PTPRK: variants seen among roughly 807,000 people sequenced by gnomAD.
PTPRK encodes the protein protein tyrosine phosphatase receptor type K.
PTPRK carries 75 observed loss-of-function variants against 178.0 expected under a neutral mutation model. The ratio of observed to expected loss-of-function variants is 0.42; its 90% CI spans 0.35 to 0.51. The LOEUF is 0.51. Ranked by LOEUF, PTPRK falls within the 20% of genes least tolerant of loss-of-function variation. PTPRK has a pLI of 0.02. For missense variants in PTPRK, 1,441 were observed against 1,797.8 expected (o/e 0.80, Z 3.59); for synonymous variants, 637 against 620.6 (o/e 1.03, Z -0.39).
intron 3 of PTPRK, among the ~76,000 whole-genome samples, chr6:128,287,872 T>C (rs910254278): frequency 1.3e-5 from 2 of 152,228 alleles, no homozygotes; most frequent in Non-Finnish European, 2.9e-5. Context: ...TTTATAAATA[T>C]GCTCAAGTAG....
At chr6:128,008,159 G>A in intron 14 of PTPRK, 1 of 858,602 alleles carries the variant, frequency 1.2e-6, no homozygotes, top group Non-Finnish European at 1.7e-6. Flanking sequence ...CATGTAGTAT[G>A]AGTCTTATCT....
At chr6:128,221,129 G>A (rs747405729) in intron 5 of PTPRK, among the ~76,000 whole-genome samples, 1 of 152,004 alleles carries the variant, frequency 6.6e-6, no homozygotes, top group Admixed American at 6.6e-5. Context: ...TTAGGGTGGT[G>A]GTACATTAAT....
chr6:128,138,973 G>T lies in PTPRK; in HGVS notation c.1162+45459C>A, dbSNP rs188157070. ...AGAGGGGTGAATAAAATGAAGTATG[G>T]TGTATAGGCAATTAAGGAATACACA... is the stretch of plus-strand genomic sequence containing the variant. On this transcript the variant is annotated intron_variant, in intron 7 of 29. Coordinates refer to ENST00000368226, the MANE Select transcript of PTPRK (RefSeq NM_002844.4). Among the ~76,000 whole-genome samples, 261 of 152,184 alleles carry T rather than the reference G, an allele frequency of 1.7e-3. 1 individual carries two copies. Among genetic ancestry groups the T allele is most frequent in the African/African-American group, 6.0e-3 (248 of 41,548 alleles).
At chr6:128,160,737 AAT>A (rs1277732796) in intron 7 of PTPRK, among the ~76,000 whole-genome samples, 4 of 151,504 alleles carry the variant, frequency 2.6e-5, no homozygotes. Context: ...AATAATAAAT[AAT>A]ATGTTAGAAA....
intron 13 of PTPRK, among the ~76,000 whole-genome samples, chr6:128,045,291 G>GTC (rs1269660176): frequency 6.6e-6 from 1 of 151,862 alleles, no homozygotes; most frequent in African/African-American, 2.4e-5. Context: ...ACTTCTTGAA[G>GTC]TCATGGGCTT....
chr6:128,090,716 A>G (rs1786765232), intron 7 of PTPRK, among the ~76,000 whole-genome samples: 1 of 152,218 alleles, frequency 6.6e-6, no homozygotes, highest in Non-Finnish European at 1.5e-5. Context: ...ACTAGAATCC[A>G]TCCTTCACTG....
chr6:128,166,988 C>A (rs1242843746), intron 7 of PTPRK, among the ~76,000 whole-genome samples: 1 of 151,494 alleles, frequency 6.6e-6, no homozygotes, highest in Non-Finnish European at 1.5e-5. Context: ...CTGGAAAGTA[C>A]TAGGAATAAA....
At chr6:128,512,138 C>A (rs1185844308) in intron 1 of PTPRK, among the ~76,000 whole-genome samples, 3 of 152,200 alleles carry the variant, frequency 2.0e-5, no homozygotes, top group African/African-American at 7.2e-5. Flanking sequence ...CTCTCAGAGT[C>A]TCTCCACCAC....
At chr6:128,474,945 A>C (rs1473359805) in intron 1 of PTPRK, among the ~76,000 whole-genome samples, 1 of 152,154 alleles carries the variant, frequency 6.6e-6, no homozygotes, top group Non-Finnish European at 1.5e-5. Context: ...ATGTGAAACA[A>C]TCTCCTTTAC....
At chr6:128,265,955 T>G (rs1818879033) in intron 3 of PTPRK, among the ~76,000 whole-genome samples, 2 of 152,062 alleles carry the variant, frequency 1.3e-5, no homozygotes, top group Admixed American at 1.3e-4. Flanking sequence ...CCTTGCCTCT[T>G]CTGCACTGTG....
intron 13 of PTPRK, among the ~76,000 whole-genome samples, chr6:128,058,567 C>T (rs1046030530): frequency 6.6e-6 from 1 of 151,956 alleles, no homozygotes; most frequent in African/African-American, 2.4e-5. Context: ...ATATTTATTA[C>T]AAGTATCTTT....
chr6:128,118,876 G>A (rs951451671), intron 7 of PTPRK, among the ~76,000 whole-genome samples: 6 of 151,944 alleles, frequency 3.9e-5, no homozygotes, highest in African/African-American at 9.7e-5. Flanking sequence ...AAACTTTTTC[G>A]GAAGTTCTGA....
chr6:128,008,996 T>A, intron 14 of PTPRK, 134 bp downstream of exon 14: 1 of 693,234 alleles, frequency 1.4e-6, no homozygotes, highest in South Asian at 3.3e-5. Context: ...TAGACTCAGG[T>A]GCTGACAACA....
chr6:127,970,299 CAA>C lies in PTPRK; in HGVS notation c.4270-21_4270-20del, dbSNP rs761829229. On this transcript the variant is annotated intron_variant, in intron 29 of 29. Transcript: ENST00000368226. ...ATTGCTCCTGAAAGATGTCAAAACA[CAA>C]AGAGTGAGAAAACTTAAGAAAGAGA... The C allele has an allele frequency of 1.9e-6, 3 of 1,602,302 alleles. No individual in the cohort carries two copies. Among genetic ancestry groups the C allele is most frequent in the Admixed American group, 3.4e-5 (2 of 59,012 alleles).
intron 5 of PTPRK, among the ~76,000 whole-genome samples, chr6:128,227,990 G>C (rs988806398): frequency 1.2e-4 from 19 of 152,002 alleles, no homozygotes; most frequent in Non-Finnish European, 1.9e-4. Flanking sequence ...CTAGGGGAGA[G>C]AGAACATTAG....
intron 1 of PTPRK, among the ~76,000 whole-genome samples, chr6:128,509,730 T>A (rs1481975271): frequency 2.6e-5 from 4 of 152,142 alleles, no homozygotes; most frequent in Admixed American, 2.6e-4. Context: ...AAAGGACTGC[T>A]CCCAAATTTC....
intron 7 of PTPRK, among the ~76,000 whole-genome samples, chr6:128,148,712 G>T (rs768920548): frequency 3.0e-4 from 45 of 151,942 alleles, no homozygotes; most frequent in African/African-American, 4.8e-5. Flanking sequence ...TGCACAAAAA[G>T]AATACATTAG....
intron 2 of PTPRK, among the ~76,000 whole-genome samples, chr6:128,331,047 T>C (rs1336051466): frequency 6.6e-6 from 1 of 152,136 alleles, no homozygotes; most frequent in Non-Finnish European, 1.5e-5. Flanking sequence ...CCTTCCAGGG[T>C]TCTTTCTAAC....
chr6:128,003,130 G>A (rs1175059459), intron 15 of PTPRK: 3 of 1,464,166 alleles, frequency 2.0e-6, no homozygotes, highest in Non-Finnish European at 1.9e-6. Context: ...TAATCTCTAT[G>A]TGGGCAAACC....
Sources: gnomAD v4.1 joint callset for allele counts (sites outside exome capture counted in the v4.1 genomes callset) on GRCh38, gnomAD v4.1.1 for gene constraint, MANE v1.5 for transcripts, NCBI Gene and HGNC (gene_info 2026-07-23, HGNC 2026-07-21) for gene names.